Variants in MTHFD1L observed in about 807,000 individuals in gnomAD.
The protein encoded by MTHFD1L is methylenetetrahydrofolate dehydrogenase (NADP+ dependent) 1 like, also known as monofunctional C1-tetrahydrofolate synthase, mitochondrial.
A neutral mutation model predicts 119.5 loss-of-function variants in MTHFD1L; 81 were observed. That is an observed-to-expected ratio of 0.68 (90% CI 0.57 to 0.82). The LOEUF is 0.82. Ranked by LOEUF, MTHFD1L falls within the 40% of genes least tolerant of loss-of-function variation. MTHFD1L has a pLI of 0.00. For missense variants in MTHFD1L, 1,125 were observed against 1,253.4 expected (o/e 0.90, Z 1.55); for synonymous variants, 430 against 475.2 (o/e 0.90, Z 1.24).
rs150785820 is a variant in MTHFD1L at position 150,932,023 on chromosome 6, A to G, written c.1257-4781A>G. The stretch of plus-strand genomic sequence containing the variant: ...TTAAAAATACAAAAATTAGCTGGGC[A>G]TGGTGATGGGTGCCTGTAATCCCAG... On this transcript the variant is annotated intron_variant, in intron 11 of 27. Transcript: ENST00000367321. 6.2e-4 allele frequency among the ~76,000 whole-genome samples: 94 copies of G among 151,992 alleles called. 1 individual carries two copies. The East Asian group carries it at 0.018, about 28-fold the overall frequency.
At position 151,066,488 on chromosome 6, in the gene MTHFD1L, G is replaced by A. The variant is rs538044100; in HGVS notation, c.2848-25979G>A. ...ACCATGGCAAAAGTGTCCTTTAGCC[G>A]GGTGCGGTGGCTCACACCTGTAATC... On this transcript the variant is annotated intron_variant, in intron 26 of 27. Coordinates refer to ENST00000367321, the MANE Select transcript of MTHFD1L (RefSeq NM_015440.5). 1.1e-4 allele frequency among the ~76,000 whole-genome samples: 16 copies of A among 147,796 alleles called. No homozygotes were observed. In the South Asian group the frequency reaches 2.2e-3, roughly 20 times the overall value.
rs1356293016 is a variant in MTHFD1L at position 150,865,712 on chromosome 6, CA to C, written c.-110del. On this transcript the variant is annotated 5_prime_UTR_variant, in exon 1 of 28. Transcript: ENST00000367321. ...GGCCCCTGGGACGAGGAGGAAGCGC[CA>C]GGTCCTTCCCGCCGCCGCCGCCGCC... 11 of 960,874 alleles carry C rather than the reference CA, an allele frequency of 1.1e-5. No homozygotes were observed. The highest frequency in any genetic ancestry group is 7.8e-6 in the Non-Finnish European group (6 of 772,352). 59.5% of individuals were successfully genotyped at this position (960,874 alleles called of 1,614,324 possible).
At chr6:150,941,986 C>T (rs963342726) in intron 13 of MTHFD1L, among the ~76,000 whole-genome samples, 1 of 152,224 alleles carries the variant, frequency 6.6e-6, no homozygotes, top group Admixed American at 6.5e-5. Flanking sequence ...AGGCCGGGCA[C>T]GGTGGCTCAT....
chr6:151,093,695 G>A (rs1259546389), intron 27 of MTHFD1L, among the ~76,000 whole-genome samples: 1 of 152,096 alleles, frequency 6.6e-6, no homozygotes, highest in Non-Finnish European at 1.5e-5. Flanking sequence ...CTCAGGGTTA[G>A]GACTTAAGCA....
chr6:150,948,476 T>C (rs779944968), intron 15 of MTHFD1L, among the ~76,000 whole-genome samples: 2 of 150,730 alleles, frequency 1.3e-5, no homozygotes, highest in African/African-American at 2.4e-5. Flanking sequence ...CTCTCCACCA[T>C]ACCTGGCTAA....
At chr6:150,974,495 T>C (rs528659) in intron 20 of MTHFD1L, among the ~76,000 whole-genome samples, 82,039 of 151,522 alleles carry the variant, frequency 0.54, 23,701 homozygotes, top group African/African-American at 0.74. Context: ...AAGTACACCT[T>C]CATTGTTGTG....
At chr6:150,996,709 A>C (rs1584023181) in intron 20 of MTHFD1L, among the ~76,000 whole-genome samples, 2 of 152,102 alleles carry the variant, frequency 1.3e-5, no homozygotes, top group East Asian at 1.9e-4. Context: ...CTTCCTCACA[A>C]GGCAAAACAT....
chr6:151,075,241 C>G (rs1178767301), intron 26 of MTHFD1L, among the ~76,000 whole-genome samples: 1 of 151,828 alleles, frequency 6.6e-6, no homozygotes, highest in Non-Finnish European at 1.5e-5. Flanking sequence ...CAAGAGCCGA[C>G]TATTACTGTC....
chr6:150,907,247 T>C (rs192935823), intron 8 of MTHFD1L, among the ~76,000 whole-genome samples: 153 of 152,328 alleles, frequency 1.0e-3, no homozygotes, highest in African/African-American at 3.4e-3. Flanking sequence ...AGCTCTGTGG[T>C]TATATGACAG....
intron 26 of MTHFD1L, among the ~76,000 whole-genome samples, chr6:151,044,448 G>A (rs1287343926): frequency 6.6e-6 from 1 of 151,504 alleles, no homozygotes; most frequent in African/African-American, 2.4e-5. Context: ...ATTACAGGTG[G>A]CCGCCACTAC....
intron 20 of MTHFD1L, among the ~76,000 whole-genome samples, chr6:150,979,263 G>C (rs1321892435): frequency 6.6e-6 from 1 of 152,106 alleles, no homozygotes; most frequent in Non-Finnish European, 1.5e-5. Flanking sequence ...AATTTTGGGT[G>C]AGCTGTCTAC....
rs574934062 is a variant in MTHFD1L at position 151,070,795 on chromosome 6, A to G, written c.2848-21672A>G. 1.4e-4 allele frequency among the ~76,000 whole-genome samples: 22 copies of G among 152,380 alleles called. 1 individual carries two copies. The highest frequency in any genetic ancestry group is 6.2e-4 in the South Asian group (3 of 4,830). On this transcript the variant is annotated intron_variant, in intron 26 of 27. Transcript: ENST00000367321. ...AAAGAGTTTTGTGTAATGTTTGGGT[A>G]ATAAAATAAACATACCAAACCATCT... is the stretch of plus-strand genomic sequence containing the variant.
chr6:151,042,210 A>G (rs1206149606), intron 26 of MTHFD1L: 1 of 156,046 alleles, frequency 6.4e-6, no homozygotes, highest in African/African-American at 2.4e-5. Context: ...CCTTGATGGT[A>G]GCCAATTTTT....
At position 150,865,838 on chromosome 6, in the gene MTHFD1L, C is replaced by A; in HGVS notation, c.16C>A (p.Pro6Thr). ...GTCCCGCGCCATGGGCACGCGTCTG[C>A]CGCTCGTCCTGCGCCAGCTCCGCCG... MGTRL[P>T]LVLRQLRRPP... Residue 6 changes from proline (P) to threonine (T), a missense_variant, in exon 1 of 28, where the codon CCG (proline) becomes ACG (threonine). By Grantham distance (38) the Pro-to-Thr change is conservative (BLOSUM62 -1). Around this residue, in one of 3 missense-constraint regions of MTHFD1L, gnomAD observed 1,058 missense variants for 1,151.2 expected, o/e 0.92. Transcript: ENST00000367321. The A allele has an allele frequency of 3.2e-6, 4 of 1,261,718 alleles. No homozygotes were observed. Among genetic ancestry groups the A allele is most frequent in the South Asian group, 2.0e-5 (1 of 49,040 alleles). 78.2% of individuals were successfully genotyped at this position (1,261,718 alleles called of 1,614,324 possible).
At chr6:150,897,717 G>T (rs1784472168) in intron 7 of MTHFD1L, among the ~76,000 whole-genome samples, 11 of 152,224 alleles carry the variant, frequency 7.2e-5, no homozygotes, top group Admixed American at 7.2e-4. Context: ...CAGGCAGGAA[G>T]CATCACCTTC....
chr6:151,004,170 C>T (rs994067294), intron 20 of MTHFD1L, among the ~76,000 whole-genome samples: 1 of 151,900 alleles, frequency 6.6e-6, no homozygotes, highest in Non-Finnish European at 1.5e-5. Flanking sequence ...TGGTGAAATC[C>T]TGTCTCTACT....
intron 25 of MTHFD1L, among the ~76,000 whole-genome samples, chr6:151,035,619 C>G (rs1236930239): frequency 6.6e-6 from 1 of 152,078 alleles, no homozygotes; most frequent in Non-Finnish European, 1.5e-5. Flanking sequence ...AATTTTCATT[C>G]ATGTGCAATG....
At chr6:151,087,177 A>G (rs1039193870) in intron 26 of MTHFD1L, among the ~76,000 whole-genome samples, 5 of 152,086 alleles carry the variant, frequency 3.3e-5, no homozygotes, top group Admixed American at 1.3e-4. Flanking sequence ...TGAACCCACG[A>G]GGCGGAGGCT....
rs773611189 is a variant in MTHFD1L, at chr6:151,015,668, G to A, written c.2561G>A (p.Arg854Gln). The A allele has an allele frequency of 1.8e-5, 29 of 1,613,806 alleles. No homozygotes were observed. The highest frequency in any genetic ancestry group is 1.9e-5 in the Non-Finnish European group (22 of 1,179,958). The change falls in exon 24 of 28, where the codon CGA becomes CAA. Residue 854 changes from arginine (R) to glutamine (Q), a missense_variant. By Grantham distance (43) the Arg-to-Gln change is conservative (BLOSUM62 1). This residue lies in a region of MTHFD1L where 1,058 missense variants were observed against 1,151.2 expected (regional missense o/e 0.92). Coordinates refer to ENST00000367321, the MANE Select transcript of MTHFD1L (RefSeq NM_015440.5). Reference protein sequence around the residue: ...AVREAASKRSRFQFLYDVQVP... With the variant: ...AVREAASKRSQFQFLYDVQVP... ...AGAGAGGCTGCGAGTAAAAGAAGCC[G>A]ATTCCAGTTCCTGTATGATGTTCAG...
Sources: allele counts gnomAD v4.1 joint callset (sites outside exome capture counted in the v4.1 genomes callset), GRCh38; gene constraint gnomAD v4.1.1; regional missense constraint gnomAD v4.1.1; transcripts MANE v1.5; gene names NCBI Gene and HGNC (gene_info 2026-07-23, HGNC 2026-07-21).